FRK: variants seen among roughly 807,000 people sequenced by gnomAD.
FRK encodes fyn related Src family tyrosine kinase.
In FRK, 51 loss-of-function variants were observed where a neutral mutation model predicts 56.4. The ratio of observed to expected loss-of-function variants is 0.90; its 90% CI spans 0.72 to 1.14. The LOEUF is 1.14. Among genes scored for constraint, FRK ranks in the 50% most tolerant of loss-of-function variants. The pLI is 0.00. For synonymous variants in FRK, 245 were observed against 217.9 expected (o/e 1.12, Z -1.10); for missense variants, 570 against 601.4 (o/e 0.95, Z 0.55).
At chr6:116,001,991 T>C (rs1421352769) in intron 2 of FRK, among the ~76,000 whole-genome samples, 5 of 152,232 alleles carry the variant, frequency 3.3e-5, no homozygotes, top group Non-Finnish European at 7.3e-5. Context: ...AGTATGTATG[T>C]ATATGTATAT....
intron 4 of FRK, among the ~76,000 whole-genome samples, chr6:115,966,162 A>C (rs1035876323): frequency 4.6e-5 from 7 of 152,146 alleles, no homozygotes; most frequent in Non-Finnish European, 1.0e-4. Flanking sequence ...GGAAAACATA[A>C]TTCTTCACTT....
chr6:115,950,772 A>G (rs977464615), intron 5 of FRK, among the ~76,000 whole-genome samples: 8 of 152,240 alleles, frequency 5.3e-5, no homozygotes, highest in African/African-American at 1.7e-4. Context: ...ACCAACCCAG[A>G]TGCCCATCAA....
intron 2 of FRK, among the ~76,000 whole-genome samples, chr6:115,971,254 G>GC (rs1394633559): frequency 5.9e-5 from 9 of 152,036 alleles, no homozygotes; most frequent in African/African-American, 2.2e-4. Flanking sequence ...TTCACCCTGG[G>GC]TATAAAAATT....
At chr6:116,096,894 C>T in the FRK span, among the ~76,000 whole-genome samples, 4 of 152,214 alleles carry the variant, frequency 2.6e-5, no homozygotes, top group African/African-American at 4.8e-5. Flanking sequence ...CAAAGGTCCA[C>T]GGCTTCATTC....
intron 2 of FRK, among the ~76,000 whole-genome samples, chr6:115,977,399 A>G (rs1448677793): frequency 6.6e-6 from 1 of 152,192 alleles, no homozygotes; most frequent in Non-Finnish European, 1.5e-5. Context: ...CATTTTATGC[A>G]TACAACTCAA....
At chr6:115,981,104 A>G (rs1366569505) in intron 2 of FRK, among the ~76,000 whole-genome samples, 1 of 152,204 alleles carries the variant, frequency 6.6e-6, no homozygotes, top group Non-Finnish European at 1.5e-5. Flanking sequence ...AGAATTACTA[A>G]AGAACTGAAC....
chr6:115,977,310 C>T (rs1170109646), intron 2 of FRK, among the ~76,000 whole-genome samples: 1 of 152,082 alleles, frequency 6.6e-6, no homozygotes, highest in Admixed American at 6.6e-5. Context: ...TATTAAAGTG[C>T]CATCACGTAG....
At chr6:116,003,401 T>A (rs1485710093) in intron 2 of FRK, among the ~76,000 whole-genome samples, 1 of 152,226 alleles carries the variant, frequency 6.6e-6, no homozygotes, top group African/African-American at 2.4e-5. Flanking sequence ...GATCCTTAAG[T>A]GAAAAACTAC....
intron 1 of FRK, among the ~76,000 whole-genome samples, chr6:116,044,073 C>T (rs985698686): frequency 3.9e-5 from 6 of 152,172 alleles, no homozygotes; most frequent in Middle Eastern, 3.4e-3. Flanking sequence ...TAACAAGTTC[C>T]GAAATTGTGG....
At chr6:116,064,687 GC>G (rs1777726075), upstream of FRK, among the ~76,000 whole-genome samples, 1 of 152,028 alleles carries the variant, frequency 6.6e-6, no homozygotes, top group African/African-American at 2.4e-5. Context: ...CAGTTTTCCT[GC>G]CTGGAGTCAA....
chr6:116,061,576 G>C (rs1179161822), upstream of FRK, among the ~76,000 whole-genome samples: 2 of 152,124 alleles, frequency 1.3e-5, no homozygotes, highest in African/African-American at 4.8e-5. Context: ...AAGAACTCAG[G>C]AACTAATGAG....
chr6:115,953,109 A>G (rs1212980972), intron 5 of FRK, among the ~76,000 whole-genome samples: 9 of 151,036 alleles, frequency 6.0e-5, no homozygotes, highest in Non-Finnish European at 1.3e-4. Flanking sequence ...AAAAGAAAAA[A>G]AAAGAATCTT....
intron 1 of FRK, among the ~76,000 whole-genome samples, chr6:116,020,440 C>A (rs944406812): frequency 6.6e-6 from 1 of 151,956 alleles, no homozygotes; most frequent in Non-Finnish European, 1.5e-5. Flanking sequence ...TACAGGCACA[C>A]GCCACCACAT....
chr6:116,065,533 C>A (rs191707563), upstream of FRK, among the ~76,000 whole-genome samples: 67 of 152,330 alleles, frequency 4.4e-4, 1 homozygote, highest in African/African-American at 1.6e-3. Flanking sequence ...ACTTCTCTCC[C>A]TTTTCCTACA....
At chr6:115,995,475 C>A (rs1774801928) in intron 2 of FRK, among the ~76,000 whole-genome samples, 1 of 151,950 alleles carries the variant, frequency 6.6e-6, no homozygotes, top group African/African-American at 2.4e-5. Context: ...GGCATTATTT[C>A]TTTGTTATGT....
intron 2 of FRK, among the ~76,000 whole-genome samples, chr6:116,003,632 T>C: frequency 6.6e-6 from 1 of 152,294 alleles, no homozygotes; most frequent in Middle Eastern, 3.4e-3. Context: ...TGTCAGCAGA[T>C]CCATGTTCTC....
chr6:116,073,308 A>C, the FRK span, among the ~76,000 whole-genome samples: 3 of 152,186 alleles, frequency 2.0e-5, no homozygotes, highest in Non-Finnish European at 1.5e-5. Context: ...AGAATGGAGC[A>C]CTAATTCATG....
chr6:115,963,074 C>CG (rs1773445391), intron 4 of FRK, among the ~76,000 whole-genome samples: 1 of 59,406 alleles, frequency 1.7e-5, no homozygotes, highest in Non-Finnish European at 3.4e-5. Flanking sequence ...GATAGAGACA[C>CG]AAAAAAACCT....
intron 1 of FRK, among the ~76,000 whole-genome samples, chr6:116,026,574 GGAAA>G (rs999256882): frequency 8.5e-5 from 11 of 129,362 alleles, no homozygotes; most frequent in Non-Finnish European, 1.6e-4. Context: ...AAGGAAGGAA[GGAAA>G]GACACGTGTA....
Sources: allele counts gnomAD v4.1 joint callset (sites outside exome capture counted in the v4.1 genomes callset), GRCh38; gene constraint gnomAD v4.1.1; transcripts MANE v1.5; gene names NCBI Gene and HGNC (gene_info 2026-07-23, HGNC 2026-07-21).